Variants in MPPED2 observed in about 807,000 individuals in gnomAD.
MPPED2 encodes the protein metallophosphoesterase domain containing 2, also known as metallophosphoesterase MPPED2.
Under a neutral mutation model 33.0 loss-of-function variants are expected in MPPED2, and 5 were observed. That is an observed-to-expected ratio of 0.15 (90% CI 0.08 to 0.32). The LOEUF is 0.32. Among genes scored for constraint, MPPED2 ranks in the 10% least tolerant of loss-of-function variants. MPPED2 has a pLI of 1.00. For missense variants in MPPED2, 275 were observed against 372.1 expected (o/e 0.74, Z 2.15); for synonymous variants, 136 against 141.9 (o/e 0.96, Z 0.29).
chr11:30,494,169 G>T (rs1439402749), intron 4 of MPPED2, among the ~76,000 whole-genome samples: 1 of 152,208 alleles, frequency 6.6e-6, no homozygotes, highest in Non-Finnish European at 1.5e-5. Context: ...TACAGAGACG[G>T]TAATTCTGAT....
intron 3 of MPPED2, among the ~76,000 whole-genome samples, chr11:30,516,543 C>T (rs1040475572): frequency 2.6e-5 from 4 of 152,118 alleles, no homozygotes; most frequent in East Asian, 1.9e-4. Flanking sequence ...TAGGAAGCTG[C>T]CCATTTTTCT....
rs140115865 is a variant in MPPED2, at chr11:30,455,810, G to A, written c.537-38177C>T. 2.3e-4 allele frequency among the ~76,000 whole-genome samples: 35 copies of A among 152,306 alleles called. No individual in the cohort carries two copies. The East Asian group carries it at 6.4e-3, about 28-fold the overall frequency. ...CACAAAGGTAAAGAGCCCTCACCTGGGTAGTCCTACCATGCTCAGAACTGC... is the reference window on the plus strand; with the variant it reads ...CACAAAGGTAAAGAGCCCTCACCTGAGTAGTCCTACCATGCTCAGAACTGC... On this transcript the variant is annotated intron_variant, in intron 4 of 6. Coordinates refer to ENST00000358117, the MANE Select transcript of MPPED2 (RefSeq NM_001584.3).
chr11:30,521,523 T>A (rs1463883169), intron 3 of MPPED2, among the ~76,000 whole-genome samples: 1 of 152,200 alleles, frequency 6.6e-6, no homozygotes, highest in African/African-American at 2.4e-5. Context: ...ATTTCATTAT[T>A]TAGCACTTTC....
chr11:30,561,713 C>T (rs1956247725), intron 2 of MPPED2, among the ~76,000 whole-genome samples: 1 of 152,150 alleles, frequency 6.6e-6, no homozygotes, highest in Admixed American at 6.5e-5. Flanking sequence ...TGCCACCCCA[C>T]ATTTTCCAAA....
At chr11:30,444,328 T>C (rs1949708319) in intron 4 of MPPED2, among the ~76,000 whole-genome samples, 1 of 152,210 alleles carries the variant, frequency 6.6e-6, no homozygotes. Context: ...ATTGTTTTGC[T>C]TGTCTCACAA....
At chr11:30,384,302 T>C (rs528741245), downstream of MPPED2, among the ~76,000 whole-genome samples, 69 of 152,232 alleles carry the variant, frequency 4.5e-4, no homozygotes, top group Admixed American at 3.7e-3. Flanking sequence ...GTTAGCAACA[T>C]GTATAAAGTA....
chr11:30,495,650 G>T lies in MPPED2; in HGVS notation c.311-129C>A, dbSNP rs1952217223. On this transcript the variant is annotated intron_variant, in intron 3 of 6. Transcript: ENST00000358117. ...CTCGCAAATTCCTTTACATTTCCATGTGAACTGGAATTTATGACTACTACT... is the reference window on the plus strand; with the variant it reads ...CTCGCAAATTCCTTTACATTTCCATTTGAACTGGAATTTATGACTACTACT... The T allele has an allele frequency of 6.1e-6, 4 of 660,052 alleles. No individual in the cohort carries two copies. The South Asian group carries it at 7.7e-5, about 13-fold the overall frequency. 40.9% of individuals were successfully genotyped at this position (660,052 alleles called of 1,614,324 possible).
At chr11:30,544,181 A>G (rs895167912) in intron 2 of MPPED2, among the ~76,000 whole-genome samples, 2 of 152,176 alleles carry the variant, frequency 1.3e-5, no homozygotes, top group African/African-American at 4.8e-5. Flanking sequence ...CAGGCTAACT[A>G]CCGTGTCAGC....
chr11:30,473,805 AG>A (rs1182087402), intron 4 of MPPED2, among the ~76,000 whole-genome samples: 4 of 152,210 alleles, frequency 2.6e-5, no homozygotes, highest in Non-Finnish European at 5.9e-5. Context: ...GCATAGAGGA[AG>A]GGCACTGGCC....
chr11:30,418,281 G>T (rs182883369), intron 4 of MPPED2, among the ~76,000 whole-genome samples: 2 of 152,130 alleles, frequency 1.3e-5, no homozygotes, highest in Non-Finnish European at 2.9e-5. Context: ...GGACATCCCT[G>T]GTCACTCTGG....
chr11:30,507,204 G>C (rs1374611361), intron 3 of MPPED2, among the ~76,000 whole-genome samples: 1 of 152,158 alleles, frequency 6.6e-6, no homozygotes, highest in African/African-American at 2.4e-5. Context: ...AAGAGCAAAT[G>C]CTAGAAAATG....
At chr11:30,472,134 C>T (rs1473412245) in intron 4 of MPPED2, among the ~76,000 whole-genome samples, 3 of 152,138 alleles carry the variant, frequency 2.0e-5, no homozygotes, top group African/African-American at 7.2e-5. Context: ...GGGGGCAAGG[C>T]TGGAGGACAG....
At chr11:30,534,400 G>A (rs1440496723) in intron 3 of MPPED2, among the ~76,000 whole-genome samples, 2 of 152,046 alleles carry the variant, frequency 1.3e-5, no homozygotes, top group Admixed American at 1.3e-4. Context: ...GAAAAGATCT[G>A]GATTTAGAAC....
At chr11:30,495,200 C>T in intron 4 of MPPED2, 96 bp downstream of exon 4, 1 of 846,212 alleles carries the variant, frequency 1.2e-6, no homozygotes, top group Non-Finnish European at 1.9e-6. Flanking sequence ...TTCCTTTCAT[C>T]CTAATCATTT....
intron 4 of MPPED2, among the ~76,000 whole-genome samples, chr11:30,446,210 G>A (rs921024313): frequency 6.6e-6 from 1 of 152,202 alleles, no homozygotes; most frequent in Non-Finnish European, 1.5e-5. Flanking sequence ...GCGGTTAGAG[G>A]AGACTGGCAA....
chr11:30,471,402 C>T (rs550263307), intron 4 of MPPED2, among the ~76,000 whole-genome samples: 91 of 152,336 alleles, frequency 6.0e-4, no homozygotes, highest in Admixed American at 9.2e-4. Context: ...TCACCCGGCA[C>T]ATGAGGCCCT....
chr11:30,482,072 C>T (rs777619494), intron 4 of MPPED2, among the ~76,000 whole-genome samples: 3 of 152,072 alleles, frequency 2.0e-5, no homozygotes, highest in East Asian at 1.9e-4. Context: ...ACACATTTTA[C>T]GGCTACAGAA....
chr11:30,481,422 T>C, intron 4 of MPPED2, among the ~76,000 whole-genome samples: 1 of 152,118 alleles, frequency 6.6e-6, no homozygotes, highest in South Asian at 2.1e-4. Context: ...TCTGGTCCCG[T>C]TTAAAGCAAA....
chr11:30,536,539 A>G (rs536233787), intron 2 of MPPED2, among the ~76,000 whole-genome samples: 2 of 152,198 alleles, frequency 1.3e-5, no homozygotes, highest in Non-Finnish European at 2.9e-5. Flanking sequence ...TCATGCTCCA[A>G]TTGATCCCAC....
Sources: gnomAD v4.1 joint callset for allele counts (sites outside exome capture counted in the v4.1 genomes callset) on GRCh38, gnomAD v4.1.1 for gene constraint, MANE v1.5 for transcripts, NCBI Gene and HGNC (gene_info 2026-07-23, HGNC 2026-07-21) for gene names.